The following PCDHGB6 variants were observed in gnomAD, a reference collection of about 807,000 sequenced individuals.
The protein encoded by PCDHGB6 is protocadherin gamma subfamily B, 6, also known as protocadherin gamma-B6.
PCDHGB6 carries 51 observed loss-of-function variants against 59.1 expected under a neutral mutation model. The observed-to-expected ratio is 0.86, with a 90% CI of 0.69 to 1.09. The LOEUF is 1.09. Among genes scored for constraint, PCDHGB6 ranks in the 50% least tolerant of loss-of-function variants. PCDHGB6 has a pLI of 0.00. For synonymous variants in PCDHGB6, 466 were observed against 495.1 expected, an observed-to-expected ratio of 0.94 and a Z score of 0.78; for missense variants, 1,148 against 1,205.1, an observed-to-expected ratio of 0.95 and a Z score of 0.70.
Position 141,491,034 on chromosome 5 carries a change from T to C in PCDHGB6, c.2419-3773T>C, listed in dbSNP as rs375902824. On this transcript the variant is annotated intron_variant, in intron 1 of 3. Coordinates refer to ENST00000520790, the MANE Select transcript of PCDHGB6 (RefSeq NM_018926.3). The surrounding 1 kb of genome is among the most constrained non-coding windows in gnomAD (Gnocchi z 6.9). The stretch of plus-strand genomic sequence containing the variant: ...CCAAGGTGACAGCCGTGGATGCTGA[T>C]GCAGGCCACAATGCGTGGCTCTCCT... 19 of 1,614,170 alleles carry C rather than the reference T, an allele frequency of 1.2e-5. No homozygotes were observed. Among genetic ancestry groups the C allele is most frequent in the East Asian group, 4.5e-5 (2 of 44,894 alleles).
Position 141,421,724 on chromosome 5 carries a change from A to G in PCDHGB6, c.2418+11104A>G, listed in dbSNP as rs541532003. On this transcript the variant is annotated intron_variant, in intron 1 of 3. Transcript: ENST00000520790. ...GCTAGGGATCCAGATGTGGGCGTGA[A>G]CTCCCTCCAGAGCTACCAGCTCAGC... 250 of 1,613,766 alleles carry G rather than the reference A, an allele frequency of 1.5e-4. 5 individuals are homozygous for G. The South Asian group carries it at 2.6e-3, about 17-fold the overall frequency.
intron 1 of PCDHGB6, among the ~76,000 whole-genome samples, chr5:141,484,096 G>T (rs539388257): frequency 6.6e-6 from 1 of 152,244 alleles, no homozygotes; most frequent in Non-Finnish European, 1.5e-5. Flanking sequence ...GTCTTCGTTG[G>T]TAATTAACAA....
chr5:141,436,121 C>T (rs2097796819), intron 1 of PCDHGB6, among the ~76,000 whole-genome samples: 1 of 152,154 alleles, frequency 6.6e-6, no homozygotes, highest in Admixed American at 6.5e-5. Context: ...AAACCTCTCT[C>T]CTCCATCATC....
chr5:141,457,632 G>T (rs919693977), intron 1 of PCDHGB6, among the ~76,000 whole-genome samples: 1 of 152,142 alleles, frequency 6.6e-6, no homozygotes, highest in Non-Finnish European at 1.5e-5. Context: ...CTTATACTTG[G>T]CCTGATTATT....
chr5:141,426,238 T>C, intron 1 of PCDHGB6: 1 of 158,644 alleles, frequency 6.3e-6, no homozygotes, highest in Admixed American at 5.9e-5. Context: ...AAGCACTTTG[T>C]GAAACATTTT....
chr5:141,491,006 T>C lies in PCDHGB6; in HGVS notation c.2419-3801T>C. The C allele has an allele frequency of 6.2e-7, 1 of 1,614,062 alleles. No homozygotes were observed. Among genetic ancestry groups the C allele is most frequent in the Non-Finnish European group, 8.5e-7 (1 of 1,180,028 alleles). ...CGCTCTGCTCCTCCTGGCTCCTTGG[T>C]CACCAAGGTGACAGCCGTGGATGCT... On this transcript the variant is annotated intron_variant, in intron 1 of 3. Transcript: ENST00000520790. This position sits in a 1 kb window ranked among gnomAD's most constrained non-coding sequence, Gnocchi z 6.9.
At chr5:141,452,635 T>C (rs1426970634) in intron 1 of PCDHGB6, among the ~76,000 whole-genome samples, 1 of 152,086 alleles carries the variant, frequency 6.6e-6, no homozygotes, top group Non-Finnish European at 1.5e-5. Context: ...GCTATGAATA[T>C]ATTTACTCAT....
At chr5:141,492,449 T>C (rs1045043841) in intron 1 of PCDHGB6, among the ~76,000 whole-genome samples, 50 of 152,314 alleles carry the variant, frequency 3.3e-4, no homozygotes, top group African/African-American at 1.2e-3. Flanking sequence ...TAGCTGATTG[T>C]GCGCGCCTGA....
intron 1 of PCDHGB6, chr5:141,442,197 A>G (rs1267971703): frequency 1.3e-5 from 2 of 153,426 alleles, no homozygotes; most frequent in African/African-American, 4.8e-5. Context: ...ATTAATTTAT[A>G]TCTGGTGATT....
chr5:141,431,884 T>A lies in PCDHGB6; in HGVS notation c.2418+21264T>A. ...CCCTTTTAAATGTAAATGACCAAGA[T>A]TCTGAGGAAAACGGACAGGTGATCT... On this transcript the variant is annotated intron_variant, in intron 1 of 3. Transcript: ENST00000520790. This position sits in a 1 kb window ranked among gnomAD's most constrained non-coding sequence, Gnocchi z 4.8. 1.2e-6 allele frequency: 2 copies of A among 1,614,218 alleles called. No individual in the cohort carries two copies. Among genetic ancestry groups the A allele is most frequent in the Non-Finnish European group, 1.7e-6 (2 of 1,180,008 alleles).
At position 141,477,761 on chromosome 5, in the gene PCDHGB6, AC is replaced by A. The variant is rs754006143; in HGVS notation, c.2419-17044del. ...CGATGGGGGCACCCCGGTCCTAGCC[AC>A]CAACATCAGCGTGAACATATTTGTC... On this transcript the variant is annotated intron_variant, in intron 1 of 3. Coordinates refer to ENST00000520790, the MANE Select transcript of PCDHGB6 (RefSeq NM_018926.3). This position sits in a 1 kb window ranked among gnomAD's most constrained non-coding sequence, Gnocchi z 4.9. 5 of 1,613,854 alleles carry A rather than the reference AC, an allele frequency of 3.1e-6. No homozygotes were observed. Among genetic ancestry groups the A allele is most frequent in the Non-Finnish European group, 4.2e-6 (5 of 1,180,044 alleles).
chr5:141,428,090 G>A (rs1415146154), intron 1 of PCDHGB6: 1 of 1,608,870 alleles, frequency 6.2e-7, no homozygotes, highest in Non-Finnish European at 8.5e-7. Flanking sequence ...ACGCTTGGCT[G>A]TCCTACCACG....
chr5:141,481,729 G>A (rs757464454), intron 1 of PCDHGB6, among the ~76,000 whole-genome samples: 6 of 151,966 alleles, frequency 3.9e-5, no homozygotes, highest in Admixed American at 1.3e-4. Flanking sequence ...GGAGGCGGGC[G>A]GATCACGAGG....
At chr5:141,429,814 T>C (rs554065871) in intron 1 of PCDHGB6, among the ~76,000 whole-genome samples, 3 of 152,322 alleles carry the variant, frequency 2.0e-5, no homozygotes, top group African/African-American at 7.2e-5. Flanking sequence ...TAATTACAAT[T>C]AGGTCAGTTA....
intron 3 of PCDHGB6, among the ~76,000 whole-genome samples, chr5:141,509,065 T>A (rs1294546432): frequency 6.6e-6 from 1 of 152,018 alleles, no homozygotes; most frequent in Non-Finnish European, 1.5e-5. Context: ...AGCTCTCAGC[T>A]CCGGGGATTT....
At chr5:141,419,139 G>C in intron 1 of PCDHGB6, 1 of 1,613,916 alleles carries the variant, frequency 6.2e-7, no homozygotes, top group South Asian at 1.1e-5. Flanking sequence ...GCCACAGACA[G>C]GGGCAAGCCT....
Position 141,409,030 on chromosome 5 carries a change from GAT to G in PCDHGB6, c.830_831del (p.Ile277LysfsTer19). 1 of 1,614,010 alleles carries G rather than the reference GAT, an allele frequency of 6.2e-7. No homozygotes were observed. Among genetic ancestry groups the G allele is most frequent in the Non-Finnish European group, 8.5e-7 (1 of 1,179,906 alleles). ...TDQDEGVNAE[I>X]NYYFRSTAQS... ...ACCAGGATGAGGGGGTCAATGCTGAGATAAACTACTACTTCCGAAGCACTGCC... is the reference window on the plus strand; with the variant it reads ...ACCAGGATGAGGGGGTCAATGCTGAGAAACTACTACTTCCGAAGCACTGCC... On this transcript the variant is annotated frameshift_variant, in exon 1 of 4. Transcript: ENST00000520790. LOFTEE classifies it high-confidence loss of function.
At chr5:141,415,458 C>G (rs2095871921) in intron 1 of PCDHGB6, 7 of 1,614,204 alleles carry the variant, frequency 4.3e-6, no homozygotes, top group Non-Finnish European at 5.1e-6. Context: ...CCCACGAGGT[C>G]TCTCTCACCG....
chr5:141,432,173 GTC>G lies in PCDHGB6; in HGVS notation c.2418+21557_2418+21558del. 6.2e-7 allele frequency: 1 copy of G among 1,614,054 alleles called. No individual in the cohort carries two copies. Among genetic ancestry groups the G allele is most frequent in the Non-Finnish European group, 8.5e-7 (1 of 1,180,018 alleles). Reference sequence around the variant, plus strand: ...GAACAATCCCAGAGGAGTTTCCCTCGTCTCTGTGACCGCCCACGACCCCGACT... The same window carrying G: ...GAACAATCCCAGAGGAGTTTCCCTCGTCTGTGACCGCCCACGACCCCGACT... On this transcript the variant is annotated intron_variant, in intron 1 of 3. Coordinates refer to ENST00000520790, the MANE Select transcript of PCDHGB6 (RefSeq NM_018926.3). This position sits in a 1 kb window ranked among gnomAD's most constrained non-coding sequence, Gnocchi z 6.0.
Sources: gnomAD v4.1 joint callset for allele counts (sites outside exome capture counted in the v4.1 genomes callset) on GRCh38, gnomAD v4.1.1 for gene constraint, Gnocchi (gnomAD v3.1) non-coding constraint, MANE v1.5 for transcripts, NCBI Gene and HGNC (gene_info 2026-07-23, HGNC 2026-07-21) for gene names.